SEPTIN11: variants seen among roughly 807,000 people sequenced by gnomAD.
SEPTIN11 encodes the protein septin 11.
A neutral mutation model predicts 51.4 loss-of-function variants in SEPTIN11; 25 were observed. The observed-to-expected ratio is 0.49, with a 90% confidence interval of 0.35 to 0.68. SEPTIN11 has a LOEUF of 0.68. SEPTIN11 is among the 30% of genes least tolerant of loss of function. The probability of loss-of-function intolerance (pLI) is 0.00; values close to 1 mark genes in which losing one functional copy is unlikely to be tolerated. For missense variants in SEPTIN11, 381 were observed against 520.8 expected (o/e 0.73, Z 2.61); for synonymous variants, 174 against 184.1 (o/e 0.95, Z 0.44).
At chr4:77,016,649 T>TACAC (rs1725317683) in intron 5 of SEPTIN11, among the ~76,000 whole-genome samples, 4 of 129,032 alleles carry the variant, frequency 3.1e-5, no homozygotes, top group East Asian at 2.2e-4. Context: ...TATATATATA[T>TACAC]ATATATACAC....
At chr4:77,029,354 G>C (rs28680705) in intron 8 of SEPTIN11, among the ~76,000 whole-genome samples, 3 of 152,008 alleles carry the variant, frequency 2.0e-5, no homozygotes, top group Non-Finnish European at 1.5e-5. Flanking sequence ...GTGTGTGTGT[G>C]TATGTGTGCT....
intron 3 of SEPTIN11, 89 bp downstream of exon 3, chr4:77,005,885 AT>A: frequency 2.4e-6 from 3 of 1,261,080 alleles, no homozygotes; most frequent in Non-Finnish European, 3.3e-6. Context: ...TGTTTTGGGG[AT>A]TTTTTAGTTG....
intron 8 of SEPTIN11, among the ~76,000 whole-genome samples, chr4:77,029,797 CAT>C (rs925598066): frequency 9.9e-5 from 15 of 151,630 alleles, no homozygotes; most frequent in East Asian, 3.9e-4. Context: ...TATACACACA[CAT>C]ATACACACAT....
In SEPTIN11 at chr4:76,993,490, A is replaced by G. The variant is rs1388302163; in HGVS notation, c.28-2935A>G. Reference sequence around the variant, plus strand: ...ATCCTTGGCTTGTGGTAGCTAAGGGAAGAGCTATAAAATGCTGGACTGGAG... The same window carrying G: ...ATCCTTGGCTTGTGGTAGCTAAGGGGAGAGCTATAAAATGCTGGACTGGAG... On this transcript the variant is annotated intron_variant, in intron 1 of 9. Transcript: ENST00000264893. Among the ~76,000 whole-genome samples the G allele has an allele frequency of 5.9e-5, 9 of 152,254 alleles. No homozygotes were observed. In the East Asian group the frequency reaches 1.5e-3, roughly 26 times the overall value.
rs971279208 is a variant in SEPTIN11 at position 77,037,805 on chromosome 4, G to A, written c.*3293G>A. Reference sequence around the variant, plus strand: ...CTTAGGCTCTTTATTAATTGGTTAAGGTTTTCTCCAAAAAGGGCATTTCAA... The same window carrying A: ...CTTAGGCTCTTTATTAATTGGTTAAAGTTTTCTCCAAAAAGGGCATTTCAA... On this transcript the variant is annotated 3_prime_UTR_variant, in exon 10 of 10. Transcript: ENST00000264893. The A allele has an allele frequency of 1.0e-6, 1 of 985,808 alleles. No individual in the cohort carries two copies. Among genetic ancestry groups the A allele is most frequent in the Admixed American group, 6.1e-5 (1 of 16,284 alleles). 61.1% of individuals were successfully genotyped at this position (985,808 alleles called of 1,614,324 possible).
At chr4:76,958,724 T>G (rs1032778152) in intron 1 of SEPTIN11, 8 of 553,250 alleles carry the variant, frequency 1.4e-5, no homozygotes, top group Non-Finnish European at 2.3e-5. Flanking sequence ...TTGTTGTTGT[T>G]GTTAGAATTA....
chr4:76,996,423 A>G lies in SEPTIN11; in HGVS notation c.28-2A>G. 1 of 1,611,000 alleles carries G rather than the reference A, an allele frequency of 6.2e-7. No homozygotes were observed. Among genetic ancestry groups the G allele is most frequent in the Non-Finnish European group, 8.5e-7 (1 of 1,177,110 alleles). On this transcript the variant is annotated splice_acceptor_variant, in intron 1 of 9. Coordinates refer to ENST00000264893, the MANE Select transcript of SEPTIN11 (RefSeq NM_018243.4). LOFTEE classifies it high-confidence loss of function. ...TCAAATCTTTCTCCCCTGAAATTGC[A>G]GAATGAAGAGCTTCGAAACTTGTCT...
chr4:76,978,730 C>A (rs965455966), intron 1 of SEPTIN11, among the ~76,000 whole-genome samples: 3 of 152,114 alleles, frequency 2.0e-5, no homozygotes, highest in Non-Finnish European at 4.4e-5. Context: ...AAAATAAGAG[C>A]TTTATACTTG....
chr4:76,986,759 T>C (rs1431113833), intron 1 of SEPTIN11, among the ~76,000 whole-genome samples: 2 of 151,500 alleles, frequency 1.3e-5, no homozygotes, highest in Non-Finnish European at 1.5e-5. Flanking sequence ...CAATAAATAT[T>C]GTGGGCTTAC....
At chr4:77,022,337 G>A (rs1011352260) in intron 7 of SEPTIN11, among the ~76,000 whole-genome samples, 45 of 152,142 alleles carry the variant, frequency 3.0e-4, no homozygotes, top group African/African-American at 1.1e-3. Flanking sequence ...GTCCTGCTAC[G>A]CTACAAGTTC....
At chr4:76,989,933 C>T (rs1425918437) in intron 1 of SEPTIN11, among the ~76,000 whole-genome samples, 4 of 152,090 alleles carry the variant, frequency 2.6e-5, no homozygotes, top group East Asian at 1.9e-4. Flanking sequence ...AGAATGAAGC[C>T]GCAGACCTTC....
chr4:77,037,524 T>A lies in SEPTIN11; in HGVS notation c.*3012T>A. The stretch of plus-strand genomic sequence containing the variant: ...CAAGAGAAAAATTTTTATGCTAGGA[T>A]GCCTTTATGACCACTTAATTTTTTA... On this transcript the variant is annotated 3_prime_UTR_variant, in exon 10 of 10. Transcript: ENST00000264893. 1 of 985,376 alleles carries A rather than the reference T, an allele frequency of 1.0e-6. No individual in the cohort carries two copies. Among genetic ancestry groups the A allele is most frequent in the Non-Finnish European group, 1.2e-6 (1 of 829,888 alleles). 61.0% of individuals were successfully genotyped at this position (985,376 alleles called of 1,614,324 possible). A position where few individuals can be genotyped will look rare whatever the true frequency, so the allele number is the denominator to read the frequency against.
At chr4:77,016,615 C>CATATATATATATATACACATATATAT (rs1169194878) in intron 5 of SEPTIN11, among the ~76,000 whole-genome samples, 29 of 79,228 alleles carry the variant, frequency 3.7e-4, no homozygotes, top group East Asian at 9.2e-4. Context: ...TATATATACA[C>CATATATATATATATACACATATATAT]ATATATATAT....
At chr4:77,008,318 G>C (rs192410935) in intron 3 of SEPTIN11, among the ~76,000 whole-genome samples, 1 of 152,344 alleles carries the variant, frequency 6.6e-6, no homozygotes, top group Admixed American at 6.5e-5. Flanking sequence ...ATCACTAGCT[G>C]TAATGATAGT....
chr4:76,964,376 C>T, intron 1 of SEPTIN11, among the ~76,000 whole-genome samples: 1 of 147,548 alleles, frequency 6.8e-6, no homozygotes, highest in South Asian at 2.1e-4. Flanking sequence ...TTACCATTCT[C>T]TTTAGCCTCC....
chr4:76,974,684 T>A, intron 1 of SEPTIN11: 2 of 447,356 alleles, frequency 4.5e-6, no homozygotes, highest in South Asian at 3.2e-5. Flanking sequence ...TAGTCACCGA[T>A]CTTGTGTTTA....
chr4:76,987,863 A>T (rs1723126312), intron 1 of SEPTIN11: 3 of 970,852 alleles, frequency 3.1e-6, no homozygotes, highest in Non-Finnish European at 3.7e-6. Flanking sequence ...ATGACCTAAG[A>T]TGAAGGGGTA....
rs78008936 is a variant in SEPTIN11, at chr4:76,998,532, G to A, written c.142+1993G>A. On this transcript the variant is annotated intron_variant, in intron 2 of 9. Coordinates refer to ENST00000264893, the MANE Select transcript of SEPTIN11 (RefSeq NM_018243.4). ...TTCTCAAAGCCAGTCACGTTGCATC[G>A]CTCTTTTAGTATTCTTGTGTCAGGA... Among the ~76,000 whole-genome samples, 1,195 of 152,182 alleles carry A rather than the reference G, an allele frequency of 7.9e-3. 10 individuals carry two copies. The highest frequency in any genetic ancestry group is 0.034 in the South Asian group (166 of 4,822).
intron 1 of SEPTIN11, among the ~76,000 whole-genome samples, chr4:76,994,501 G>T (rs1723558765): frequency 6.6e-6 from 1 of 152,188 alleles, no homozygotes. Context: ...CCTGGTCAAG[G>T]ATAAGTGCCT....
Sources: allele counts gnomAD v4.1 joint callset (sites outside exome capture counted in the v4.1 genomes callset), GRCh38; gene constraint gnomAD v4.1.1; transcripts MANE v1.5; gene names NCBI Gene and HGNC (gene_info 2026-07-23, HGNC 2026-07-21).